The following ATP5PO variants were observed in gnomAD, a reference collection of about 807,000 sequenced individuals.
ATP5PO encodes the protein ATP synthase peripheral stalk subunit OSCP.
A neutral mutation model predicts 26.2 loss-of-function variants in ATP5PO; 14 were observed. That is an observed-to-expected ratio of 0.53 (90% confidence interval 0.35 to 0.83). ATP5PO has a LOEUF of 0.83. ATP5PO is among the 40% of genes least tolerant of loss of function. The pLI, the probability that ATP5PO is intolerant of heterozygous loss-of-function variation, is 0.01. For missense variants in ATP5PO, 241 were observed against 258.5 expected (o/e 0.93, Z 0.46); for synonymous variants, 106 against 95.1 (o/e 1.12, Z -0.67).
At chr21:33,911,070 G>C (rs1987240516) in intron 3 of ATP5PO, among the ~76,000 whole-genome samples, 1 of 152,192 alleles carries the variant, frequency 6.6e-6, no homozygotes, top group Non-Finnish European at 1.5e-5. Context: ...AACTTCCTCT[G>C]AAGAGGCTAT....
intron 4 of ATP5PO, among the ~76,000 whole-genome samples, chr21:33,907,911 G>A (rs1263102267): frequency 1.3e-5 from 2 of 152,170 alleles, no homozygotes; most frequent in African/African-American, 4.8e-5. Flanking sequence ...CAGCACTTTG[G>A]ATGGCCGAGA....
rs759286784 is a variant in ATP5PO at position 33,907,374 on chromosome 21, G to A, written c.408C>T (p.Arg136=). ...AGGTCACTGTGCAAGGTACCTCTCC[G>A]CGATGGACACTCATCATGGTAGAAA... ...SAFSTMMSVH[R]GEVPCTVTSA... Residue 136 remains arginine (R), a synonymous_variant, in exon 5 of 7, where the codon CGC becomes CGT. Coordinates refer to ENST00000290299, the MANE Select transcript of ATP5PO (RefSeq NM_001697.3). The A allele has an allele frequency of 1.3e-5, 21 of 1,614,066 alleles. No homozygotes were observed. The highest frequency in any genetic ancestry group is 2.2e-5 in the East Asian group (1 of 44,884).
chr21:33,912,943 G>C (rs1370191403), intron 2 of ATP5PO, among the ~76,000 whole-genome samples: 2 of 152,190 alleles, frequency 1.3e-5, no homozygotes, highest in African/African-American at 2.4e-5. Context: ...CCTGATGCTT[G>C]AATTATTTTT....
rs374910423 is a variant in ATP5PO at position 33,904,057 on chromosome 21, G to C, written c.442-36C>G. ...AAACCATCCTTTCAATTTAGATAAAGCAAAACAGAAACTTCCAGAGTTAAA... is the reference window on the plus strand; with the variant it reads ...AAACCATCCTTTCAATTTAGATAAACCAAAACAGAAACTTCCAGAGTTAAA... On this transcript the variant is annotated intron_variant, in intron 5 of 6. Transcript: ENST00000290299. 173 of 1,554,798 alleles carry C rather than the reference G, an allele frequency of 1.1e-4. No homozygotes were observed. The African/African-American group carries it at 2.0e-3, about 18-fold the overall frequency.
intron 5 of ATP5PO, among the ~76,000 whole-genome samples, chr21:33,905,831 G>C (rs1249671151): frequency 6.7e-6 from 1 of 148,292 alleles, no homozygotes; most frequent in Non-Finnish European, 1.5e-5. Flanking sequence ...AGAATTGCTT[G>C]AACCTGGGAG....
chr21:33,910,002 C>T (rs1987227783), intron 3 of ATP5PO, among the ~76,000 whole-genome samples: 1 of 152,152 alleles, frequency 6.6e-6, no homozygotes, highest in Non-Finnish European at 1.5e-5. Context: ...GCCAGAGCGG[C>T]CCCAAAGAGT....
intron 5 of ATP5PO, 64 bp downstream of exon 5, chr21:33,907,276 TC>T (rs1055556148): frequency 1.0e-4 from 142 of 1,409,960 alleles, no homozygotes; most frequent in Non-Finnish European, 1.3e-4. Flanking sequence ...TTTTCCCTTT[TC>T]TTCCTGCAAA....
chr21:33,909,058 A>C (rs763668232), intron 4 of ATP5PO, 24 bp downstream of exon 4: 1 of 1,577,300 alleles, frequency 6.3e-7, no homozygotes, highest in South Asian at 1.1e-5. Flanking sequence ...AAGACACCTC[A>C]AATGAAAAAG....
chr21:33,907,953 GGGTGAAACCCTGGGTAACAT>G (rs1170792222), intron 4 of ATP5PO, among the ~76,000 whole-genome samples: 12 of 152,154 alleles, frequency 7.9e-5, no homozygotes, highest in East Asian at 1.9e-4. Flanking sequence ...GGAGTAACAT[GGGTGAAACCCTGGGTAACAT>G]GGTGAAACCC....
chr21:33,910,973 T>TG (rs1987239552), intron 3 of ATP5PO, among the ~76,000 whole-genome samples: 1 of 152,254 alleles, frequency 6.6e-6, no homozygotes, highest in African/African-American at 2.4e-5. Context: ...TCTATACAAC[T>TG]GGCCTATGAA....
At chr21:33,906,696 T>C (rs1024383880) in intron 5 of ATP5PO, 2 of 456,208 alleles carry the variant, frequency 4.4e-6, no homozygotes, top group Admixed American at 4.7e-5. Context: ...GGTTAGTAAC[T>C]CTAGTTTCAG....
Position 33,912,393 on chromosome 21 carries a change from CAGG to C in ATP5PO, c.91_93del (p.Pro31del), listed in dbSNP as rs1318144997. 2 of 1,605,164 alleles carry C rather than the reference CAGG, an allele frequency of 1.2e-6. No individual in the cohort carries two copies. Among genetic ancestry groups the C allele is most frequent in the Non-Finnish European group, 8.5e-7 (1 of 1,174,794 alleles). On this transcript the variant is annotated inframe_deletion, in exon 3 of 7. Coordinates refer to ENST00000290299, the MANE Select transcript of ATP5PO (RefSeq NM_001697.3). Reference sequence around the variant, plus strand: ...CGACCTTCAATACCGTATACCTGAACAGGAGGCTTTAAAAAAAAGGTGAAATAG... The same window carrying C: ...CGACCTTCAATACCGTATACCTGAACAGGCTTTAAAAAAAAGGTGAAATAG...
intron 3 of ATP5PO, 69 bp downstream of exon 3, chr21:33,912,220 G>T: frequency 1.5e-6 from 2 of 1,371,176 alleles, no homozygotes; most frequent in Non-Finnish European, 2.0e-6. Flanking sequence ...CATTAGGAAT[G>T]CACAAACAAC....
intron 2 of ATP5PO, 26 bp from the exon 3 acceptor site, chr21:33,912,425 A>G: frequency 6.4e-7 from 1 of 1,551,408 alleles, no homozygotes; most frequent in Non-Finnish European, 8.9e-7. Context: ...GAAATAGGAG[A>G]GGAAAGAAAA....
intron 5 of ATP5PO, chr21:33,906,359 A>G (rs1307795275): frequency 1.2e-5 from 3 of 242,284 alleles, no homozygotes; most frequent in Non-Finnish European, 2.5e-5. Flanking sequence ...AGACAACAAC[A>G]AAATTAATTC....
Position 33,914,432 on chromosome 21 carries a change from G to A in ATP5PO, c.87+18C>T. Reference sequence around the variant, plus strand: ...TTTCGCGTACTTTATCATTACAGAAGAATATAAATTAACATACCCTCACAA... The same window carrying A: ...TTTCGCGTACTTTATCATTACAGAAAAATATAAATTAACATACCCTCACAA... On this transcript the variant is annotated intron_variant, in intron 2 of 6. Transcript: ENST00000290299. 5 of 1,608,216 alleles carry A rather than the reference G, an allele frequency of 3.1e-6. No homozygotes were observed. In the South Asian group the frequency reaches 3.3e-5, roughly 11 times the overall value.
At chr21:33,906,233 C>A (rs1486907386) in intron 5 of ATP5PO, among the ~76,000 whole-genome samples, 1 of 152,210 alleles carries the variant, frequency 6.6e-6, no homozygotes, top group African/African-American at 2.4e-5. Context: ...ATCTATTAAT[C>A]TAGATGAGGT....
chr21:33,914,922 T>C (rs1987294715), intron 1 of ATP5PO: 1 of 160,206 alleles, frequency 6.2e-6, no homozygotes, highest in African/African-American at 2.4e-5. Flanking sequence ...ATTTTTTGAG[T>C]ACTGCCGCAG....
At chr21:33,912,243 T>C (rs1987258449) in intron 3 of ATP5PO, 46 bp downstream of exon 3, 3 of 1,529,710 alleles carry the variant, frequency 2.0e-6, no homozygotes, top group African/African-American at 2.8e-5. Flanking sequence ...AAGGAAAAAA[T>C]ATACAAACAG....
Sources: allele counts gnomAD v4.1 joint callset (sites outside exome capture counted in the v4.1 genomes callset), GRCh38; gene constraint gnomAD v4.1.1; transcripts MANE v1.5; gene names NCBI Gene and HGNC (gene_info 2026-07-23, HGNC 2026-07-21).